Variants in CADM2 observed in about 807,000 individuals in gnomAD.
CADM2 encodes the protein cell adhesion molecule 2, also known as immunoglobulin superfamily member 4D.
In CADM2, 12 loss-of-function variants were observed where a neutral mutation model predicts 49.8. The observed-to-expected ratio is 0.24, with a 90% CI of 0.15 to 0.39. CADM2 has a LOEUF of 0.39. CADM2 is among the 10% of genes least tolerant of loss of function. The pLI is 1.00. For missense variants in CADM2, 378 were observed against 492.3 expected (o/e 0.77, Z 2.20); for synonymous variants, 214 against 175.4 (o/e 1.22, Z -1.74).
At chr3:86,002,660 T>C (rs1730329048) in intron 8 of CADM2, among the ~76,000 whole-genome samples, 1 of 152,186 alleles carries the variant, frequency 6.6e-6, no homozygotes, top group Admixed American at 6.5e-5. Flanking sequence ...GATACATAGG[T>C]CTAAGTTTGA....
chr3:85,898,557 G>A (rs1457648159), intron 5 of CADM2, among the ~76,000 whole-genome samples: 29 of 150,714 alleles, frequency 1.9e-4, no homozygotes, highest in Non-Finnish European at 2.1e-4. Flanking sequence ...GAATCATAGG[G>A]TCTGTACATA....
intron 3 of CADM2, among the ~76,000 whole-genome samples, chr3:85,852,883 T>G (rs972400670): frequency 2.0e-5 from 3 of 152,046 alleles, no homozygotes; most frequent in Non-Finnish European, 4.4e-5. Flanking sequence ...GCATACAACA[T>G]TCAATCAATA....
At chr3:85,262,148 A>G (rs1028405467) in intron 1 of CADM2, among the ~76,000 whole-genome samples, 1 of 152,134 alleles carries the variant, frequency 6.6e-6, no homozygotes, top group African/African-American at 2.4e-5. Context: ...TAGAACTATG[A>G]TATTAAACCA....
At chr3:85,359,658 A>ATT (rs1472399629) in intron 1 of CADM2, among the ~76,000 whole-genome samples, 35 of 17,454 alleles carry the variant, frequency 2.0e-3, no homozygotes, top group Middle Eastern at 0.024. Context: ...ATATATATAT[A>ATT]TATATATATT....
chr3:85,959,628 C>T (rs1011226782), intron 7 of CADM2, among the ~76,000 whole-genome samples: 4 of 151,902 alleles, frequency 2.6e-5, no homozygotes, highest in Admixed American at 2.0e-4. Context: ...TATAACAACA[C>T]TTTGATCAAT....
chr3:86,040,823 G>A (rs1012746319), intron 8 of CADM2, among the ~76,000 whole-genome samples: 4 of 152,178 alleles, frequency 2.6e-5, no homozygotes, highest in African/African-American at 4.8e-5. Context: ...GTTAAGGGCA[G>A]CCAGAGAGAA....
chr3:85,428,838 C>A (rs917910759), intron 1 of CADM2, among the ~76,000 whole-genome samples: 1 of 151,178 alleles, frequency 6.6e-6, no homozygotes, highest in Non-Finnish European at 1.5e-5. Flanking sequence ...CACTCTTTTG[C>A]CTCTTTAGGT....
At chr3:85,568,461 T>TC (rs1559915985) in intron 1 of CADM2, among the ~76,000 whole-genome samples, 266 of 15,184 alleles carry the variant, frequency 0.018, 12 homozygotes, top group African/African-American at 0.037. Context: ...CTTTCTTTCT[T>TC]TCTCTTTCTC....
At chr3:85,778,078 C>A (rs905703104) in intron 2 of CADM2, among the ~76,000 whole-genome samples, 1 of 152,072 alleles carries the variant, frequency 6.6e-6, no homozygotes, top group African/African-American at 2.4e-5. Flanking sequence ...CCTAATTTGG[C>A]TCCTGCCCTA....
chr3:85,219,576 C>A (rs2042002058), intron 1 of CADM2, among the ~76,000 whole-genome samples: 1 of 151,988 alleles, frequency 6.6e-6, no homozygotes, highest in Non-Finnish European at 1.5e-5. Context: ...AGTGAATATG[C>A]CTTAAAAGCA....
At chr3:85,971,365 G>A (rs1262340885) in intron 8 of CADM2, among the ~76,000 whole-genome samples, 4 of 151,616 alleles carry the variant, frequency 2.6e-5, no homozygotes, top group Non-Finnish European at 4.4e-5. Context: ...TGACCAAGCC[G>A]AAAGTCTTCA....
intron 1 of CADM2, among the ~76,000 whole-genome samples, chr3:85,461,060 T>C (rs183490413): frequency 8.3e-4 from 127 of 152,302 alleles, no homozygotes; most frequent in Non-Finnish European, 1.5e-3. Flanking sequence ...TCACAGAAGT[T>C]TTCCATTCAC....
At chr3:85,333,145 C>A (rs2044982211) in intron 1 of CADM2, among the ~76,000 whole-genome samples, 1 of 151,456 alleles carries the variant, frequency 6.6e-6, no homozygotes, top group South Asian at 2.1e-4. Flanking sequence ...AGAATAGTGT[C>A]TTACAGTAGA....
intron 1 of CADM2, among the ~76,000 whole-genome samples, chr3:85,662,192 ACTTTTT>A (rs1179793804): frequency 6.8e-6 from 1 of 148,132 alleles, no homozygotes; most frequent in African/African-American, 2.5e-5. Context: ...GTAAACAATT[ACTTTTT>A]CTTTTAGTCA....
chr3:85,187,238 G>T lies in CADM2; in HGVS notation c.61+227570G>T, dbSNP rs564740379. Among the ~76,000 whole-genome samples, 7 of 152,198 alleles carry T rather than the reference G, an allele frequency of 4.6e-5. No individual in the cohort carries two copies. In the South Asian group the frequency reaches 1.2e-3, roughly 27 times the overall value. ...AATTGCATGGTTTTGGAAGCTGAGA[G>T]AAAATATTCTATCATGTCTATATTC... On this transcript the variant is annotated intron_variant, in intron 1 of 9. Transcript: ENST00000383699.
intron 1 of CADM2, among the ~76,000 whole-genome samples, chr3:85,605,684 T>G (rs2063521107): frequency 6.6e-6 from 1 of 152,034 alleles, no homozygotes; most frequent in South Asian, 2.1e-4. Context: ...ATTTAGATGA[T>G]TCACCACCTG....
At chr3:85,967,269 A>T (rs968345690) in intron 8 of CADM2, among the ~76,000 whole-genome samples, 3 of 151,676 alleles carry the variant, frequency 2.0e-5, no homozygotes, top group African/African-American at 7.2e-5. Flanking sequence ...TAACTTGCTT[A>T]CTATGGGAGA....
intron 1 of CADM2, among the ~76,000 whole-genome samples, chr3:85,060,973 A>G (rs2036286275): frequency 6.6e-6 from 1 of 152,182 alleles, no homozygotes; most frequent in South Asian, 2.1e-4. Context: ...ACTTCTAACC[A>G]GAATGCACAA....
At chr3:85,307,267 C>T (rs796825255) in intron 1 of CADM2, among the ~76,000 whole-genome samples, 91 of 151,550 alleles carry the variant, frequency 6.0e-4, no homozygotes, top group African/African-American at 2.1e-3. Context: ...TATGCTTGGT[C>T]ATATTCTTAA....
Sources: gnomAD v4.1 joint callset for allele counts (sites outside exome capture counted in the v4.1 genomes callset) on GRCh38, gnomAD v4.1.1 for gene constraint, MANE v1.5 for transcripts, NCBI Gene and HGNC (gene_info 2026-07-23, HGNC 2026-07-21) for gene names.